ASIC2: variants seen among roughly 807,000 people sequenced by gnomAD.
The protein encoded by ASIC2 is acid sensing ion channel subunit 2.
In ASIC2, 25 loss-of-function variants were observed where a neutral mutation model predicts 57.3. The observed-to-expected ratio is 0.44, with a 90% CI of 0.32 to 0.61. ASIC2 has a LOEUF of 0.61. Ranked by LOEUF, ASIC2 falls within the 20% of genes least tolerant of loss-of-function variation. The probability of loss-of-function intolerance (pLI) is 0.06; values close to 1 mark genes in which losing one functional copy is unlikely to be tolerated. For missense variants in ASIC2, 641 were observed against 738.1 expected, an observed-to-expected ratio of 0.87 and a Z score of 1.52; for synonymous variants, 319 against 307.5, an observed-to-expected ratio of 1.04 and a Z score of -0.39.
chr17:33,298,822 G>A (rs1905829096), intron 1 of ASIC2, among the ~76,000 whole-genome samples: 1 of 152,190 alleles, frequency 6.6e-6, no homozygotes, highest in Admixed American at 6.5e-5. Flanking sequence ...CAAATCATGA[G>A]TGAACTCCCA....
At chr17:33,431,749 A>G (rs904887973) in intron 1 of ASIC2, among the ~76,000 whole-genome samples, 1 of 152,220 alleles carries the variant, frequency 6.6e-6, no homozygotes, top group Non-Finnish European at 1.5e-5. Context: ...GAAAACTATG[A>G]TTGCGTTAAA....
intron 1 of ASIC2, among the ~76,000 whole-genome samples, chr17:33,219,354 T>C (rs1372881606): frequency 6.6e-6 from 1 of 152,218 alleles, no homozygotes; most frequent in Non-Finnish European, 1.5e-5. Context: ...ATCTTCACGA[T>C]GACCTGATGA....
chr17:33,738,107 C>A (rs959883516), intron 1 of ASIC2, among the ~76,000 whole-genome samples: 1 of 152,038 alleles, frequency 6.6e-6, no homozygotes, highest in Non-Finnish European at 1.5e-5. Flanking sequence ...CCTGTAAGAC[C>A]AAAGGCTTGC....
chr17:33,142,244 C>G (rs888501897), intron 1 of ASIC2, among the ~76,000 whole-genome samples: 1 of 152,160 alleles, frequency 6.6e-6, no homozygotes, highest in South Asian at 2.1e-4. Context: ...CAAAAGTGAG[C>G]TTTGAGAGGA....
chr17:33,860,362 T>C (rs887764865), intron 1 of ASIC2, among the ~76,000 whole-genome samples: 2 of 152,158 alleles, frequency 1.3e-5, no homozygotes, highest in Non-Finnish European at 2.9e-5. Context: ...CTCTCTCTAG[T>C]GGTGGAGTCA....
intron 1 of ASIC2, among the ~76,000 whole-genome samples, chr17:33,494,342 G>A (rs970084110): frequency 6.6e-6 from 1 of 151,918 alleles, no homozygotes; most frequent in Non-Finnish European, 1.5e-5. Flanking sequence ...TCATGCATGG[G>A]TCGTTGCCAT....
At chr17:33,884,352 A>G (rs369875939) in intron 1 of ASIC2, among the ~76,000 whole-genome samples, 1 of 152,152 alleles carries the variant, frequency 6.6e-6, no homozygotes, top group Non-Finnish European at 1.5e-5. Flanking sequence ...TTACTCCTTC[A>G]GGCCTAGGGA....
chr17:33,901,521 T>C (rs1885021230), intron 1 of ASIC2, among the ~76,000 whole-genome samples: 1 of 152,146 alleles, frequency 6.6e-6, no homozygotes, highest in Non-Finnish European at 1.5e-5. Context: ...ACCATATGCC[T>C]GGAAGCCAGC....
At chr17:34,091,053 C>T (rs1296805815) in intron 1 of ASIC2, among the ~76,000 whole-genome samples, 1 of 152,218 alleles carries the variant, frequency 6.6e-6, no homozygotes, top group African/African-American at 2.4e-5. Flanking sequence ...AAGGGTAGAC[C>T]TGAAGATGAC....
chr17:33,491,559 T>C (rs773092236), intron 1 of ASIC2, among the ~76,000 whole-genome samples: 1 of 152,246 alleles, frequency 6.6e-6, no homozygotes, highest in Non-Finnish European at 1.5e-5. Flanking sequence ...TGAGTTTCCT[T>C]AATTGCAGCA....
chr17:33,796,883 T>G (rs1911934629), intron 1 of ASIC2, among the ~76,000 whole-genome samples: 1 of 152,212 alleles, frequency 6.6e-6, no homozygotes, highest in Middle Eastern at 3.2e-3. Context: ...TTTAATCTAT[T>G]GAGTCTCAGT....
chr17:33,706,083 G>A (rs1908851478), intron 1 of ASIC2, among the ~76,000 whole-genome samples: 2 of 151,838 alleles, frequency 1.3e-5, no homozygotes, highest in Non-Finnish European at 2.9e-5. Context: ...ATATGCACAT[G>A]TATGCATATA....
chr17:33,038,648 A>G (rs1225171675), intron 3 of ASIC2, among the ~76,000 whole-genome samples: 3 of 152,222 alleles, frequency 2.0e-5, no homozygotes, highest in African/African-American at 7.2e-5. Context: ...TTATGAACAG[A>G]GCAAGGAATG....
chr17:33,944,715 G>T (rs951492813), intron 1 of ASIC2, among the ~76,000 whole-genome samples: 11 of 152,334 alleles, frequency 7.2e-5, no homozygotes, highest in African/African-American at 2.2e-4. Flanking sequence ...TACTGAGAAT[G>T]AGATGAGCTA....
intron 1 of ASIC2, chr17:34,006,495 G>C (rs1906529081): frequency 6.6e-6 from 1 of 152,182 alleles, no homozygotes; most frequent in South Asian, 2.1e-4. Context: ...TGATTACTCT[G>C]ACCTTCAGGT....
At chr17:33,530,550 C>A (rs751679018) in intron 1 of ASIC2, among the ~76,000 whole-genome samples, 2 of 152,226 alleles carry the variant, frequency 1.3e-5, no homozygotes, top group Non-Finnish European at 2.9e-5. Flanking sequence ...TGAACATAGG[C>A]GAGTGTACAG....
intron 1 of ASIC2, among the ~76,000 whole-genome samples, chr17:33,588,414 C>A (rs1302709029): frequency 6.6e-6 from 1 of 152,172 alleles, no homozygotes; most frequent in East Asian, 1.9e-4. Flanking sequence ...TCTTTGAGGG[C>A]CCTTTCAGCT....
At chr17:33,751,530 GT>G (rs149203047) in intron 1 of ASIC2, among the ~76,000 whole-genome samples, 6,368 of 148,800 alleles carry the variant, frequency 0.043, 437 homozygotes, top group African/African-American at 0.14. Context: ...CAAGGACATA[GT>G]TTTTTTTTTA....
chr17:33,834,949 G>A (rs965353764), intron 1 of ASIC2, among the ~76,000 whole-genome samples: 1 of 152,116 alleles, frequency 6.6e-6, no homozygotes, highest in Non-Finnish European at 1.5e-5. Flanking sequence ...AAAGGAAAAG[G>A]GGGTAAAATA....
Sources: gnomAD v4.1 joint callset for allele counts (sites outside exome capture counted in the v4.1 genomes callset) on GRCh38, gnomAD v4.1.1 for gene constraint, MANE v1.5 for transcripts, NCBI Gene and HGNC (gene_info 2026-07-23, HGNC 2026-07-21) for gene names.